LMX1A: variants seen among roughly 807,000 people sequenced by gnomAD.
LMX1A encodes LIM homeobox transcription factor 1 alpha.
In LMX1A, 15 loss-of-function variants were observed where a neutral mutation model predicts 49.1. That is an observed-to-expected ratio of 0.31 (90% CI 0.20 to 0.47). LMX1A has a LOEUF of 0.47. LMX1A is among the 20% of genes least tolerant of loss of function. The pLI, the probability that LMX1A is intolerant of heterozygous loss-of-function variation, is 1.00. For missense variants in LMX1A, 372 were observed against 475.8 expected, an observed-to-expected ratio of 0.78 and a Z score of 2.03; for synonymous variants, 167 against 185.7, an observed-to-expected ratio of 0.90 and a Z score of 0.82.
At chr1:165,266,826 C>T (rs569335092) in intron 3 of LMX1A, among the ~76,000 whole-genome samples, 2 of 152,216 alleles carry the variant, frequency 1.3e-5, no homozygotes, top group South Asian at 2.1e-4. Flanking sequence ...TGGTCTCGAT[C>T]TCCTGACCTC....
intron 3 of LMX1A, among the ~76,000 whole-genome samples, chr1:165,332,503 A>G (rs1247620783): frequency 6.6e-6 from 1 of 152,198 alleles, no homozygotes; most frequent in Non-Finnish European, 1.5e-5. Flanking sequence ...CTAAAGTCCA[A>G]TGATTCCACA....
intron 4 of LMX1A, among the ~76,000 whole-genome samples, chr1:165,225,629 G>A (rs1652008560): frequency 6.6e-6 from 1 of 152,206 alleles, no homozygotes; most frequent in Non-Finnish European, 1.5e-5. Context: ...TTATAGTCTG[G>A]ACTCTAGGGC....
chr1:165,301,182 C>T (rs1426707906), intron 3 of LMX1A, among the ~76,000 whole-genome samples: 1 of 152,132 alleles, frequency 6.6e-6, no homozygotes, highest in African/African-American at 2.4e-5. Context: ...CCTTGATGGG[C>T]CATTTTAATA....
At chr1:165,228,235 T>C (rs920720690) in intron 4 of LMX1A, among the ~76,000 whole-genome samples, 2 of 151,256 alleles carry the variant, frequency 1.3e-5, no homozygotes, top group Non-Finnish European at 3.0e-5. Context: ...TAGATAGCCC[T>C]GCTGAAGCTC....
At position 165,321,152 on chromosome 1, in the gene LMX1A, C is replaced by T. The variant is rs541368971; in HGVS notation, c.263+31924G>A. Among the ~76,000 whole-genome samples, 14 of 152,238 alleles carry T rather than the reference C, an allele frequency of 9.2e-5. 1 individual carries two copies. The highest frequency in any genetic ancestry group is 1.4e-4 in the African/African-American group (6 of 41,528). On this transcript the variant is annotated intron_variant, in intron 3 of 8. Coordinates refer to ENST00000342310, the MANE Select transcript of LMX1A (RefSeq NM_177398.4). ...AAGAAGTCAAATACAAAAGACCTCA[C>T]GCTGTATGATTTCATTTATGTGAAA...
rs1650864378 is a variant in LMX1A at position 165,202,024 on chromosome 1, A to G, written c.*1856T>C. On this transcript the variant is annotated 3_prime_UTR_variant, in exon 9 of 9. Transcript: ENST00000342310. ...TACAGCATCTGCATAATTTTCACTC[A>G]TCAGACTGGTTTGGGTTTCTTGGTG... 6.6e-6 allele frequency: 1 copy of G among 152,436 alleles called. No individual in the cohort carries two copies. Among genetic ancestry groups the G allele is most frequent in the Non-Finnish European group, 1.5e-5 (1 of 68,000 alleles). The allele number at this position is 152,436 out of a possible 1,614,324, so 9.4% of individuals were successfully genotyped here.
chr1:165,275,258 C>A lies in LMX1A; in HGVS notation c.264-25618G>T, dbSNP rs115160673. Among the ~76,000 whole-genome samples the A allele has an allele frequency of 3.3e-3, 498 of 152,284 alleles. 5 individuals carry two copies. The highest frequency in any genetic ancestry group is 0.011 in the African/African-American group (459 of 41,568). On this transcript the variant is annotated intron_variant, in intron 3 of 8. Transcript: ENST00000342310. The stretch of plus-strand genomic sequence containing the variant: ...GTCCTAGGCTGGAGCCTCTATCAGG[C>A]AAGCAATTTGCTTCTGGGTCCCTCG...
At chr1:165,321,460 C>G (rs1405326972) in intron 3 of LMX1A, among the ~76,000 whole-genome samples, 4 of 152,092 alleles carry the variant, frequency 2.6e-5, no homozygotes, top group African/African-American at 9.7e-5. Context: ...TGTTTTGATT[C>G]CTCTCTCCTC....
intron 3 of LMX1A, among the ~76,000 whole-genome samples, chr1:165,346,288 A>T (rs914646918): frequency 6.6e-6 from 1 of 152,232 alleles, no homozygotes; most frequent in Non-Finnish European, 1.5e-5. Context: ...AAAGCCAGAC[A>T]TATTTGCTGT....
At chr1:165,332,406 CTT>C (rs990977674) in intron 3 of LMX1A, among the ~76,000 whole-genome samples, 1 of 151,996 alleles carries the variant, frequency 6.6e-6, no homozygotes, top group Non-Finnish European at 1.5e-5. Context: ...AGAAGATAAA[CTT>C]TAAAAAAACA....
chr1:165,342,760 C>G (rs80230199), intron 3 of LMX1A, among the ~76,000 whole-genome samples: 2,758 of 152,078 alleles, frequency 0.018, 90 homozygotes, highest in African/African-American at 0.064. Context: ...AAGTATCTAG[C>G]AGGTGGGGAC....
intron 4 of LMX1A, among the ~76,000 whole-genome samples, chr1:165,248,981 A>G (rs768438919): frequency 7.9e-5 from 12 of 152,162 alleles, no homozygotes; most frequent in Admixed American, 2.0e-4. Flanking sequence ...CTGTCAGAAG[A>G]TCATGCCCTG....
chr1:165,303,860 G>A (rs1654849107), intron 3 of LMX1A, among the ~76,000 whole-genome samples: 1 of 152,038 alleles, frequency 6.6e-6, no homozygotes, highest in African/African-American at 2.4e-5. Context: ...TAAAGCAGTA[G>A]GAACAGAGTA....
chr1:165,307,743 C>T lies in LMX1A; in HGVS notation c.263+45333G>A, dbSNP rs544036879. 2.9e-4 allele frequency among the ~76,000 whole-genome samples: 44 copies of T among 152,312 alleles called. No individual in the cohort carries two copies. The South Asian group carries it at 7.7e-3, about 27-fold the overall frequency. The stretch of plus-strand genomic sequence containing the variant: ...CACATACCTCCAGGGAATTTTCATC[C>T]ATAGGAGCCTGGACCACAGGTAGAA... On this transcript the variant is annotated intron_variant, in intron 3 of 8. Transcript: ENST00000342310.
At chr1:165,269,005 C>T (rs1466177189) in intron 3 of LMX1A, among the ~76,000 whole-genome samples, 2 of 152,202 alleles carry the variant, frequency 1.3e-5, no homozygotes, top group African/African-American at 4.8e-5. Context: ...CTTCTAGAGT[C>T]TAGACTCATT....
chr1:165,316,794 G>C (rs1373032567), intron 3 of LMX1A, among the ~76,000 whole-genome samples: 3 of 152,118 alleles, frequency 2.0e-5, no homozygotes, highest in African/African-American at 7.2e-5. Context: ...AGGAGGAGTT[G>C]GAAAGAAGCC....
chr1:165,276,285 C>T (rs1486764394), intron 3 of LMX1A, among the ~76,000 whole-genome samples: 1 of 152,204 alleles, frequency 6.6e-6, no homozygotes, highest in Admixed American at 6.5e-5. Flanking sequence ...ACAAGCTCCT[C>T]CTTGTCTGAT....
At chr1:165,323,686 C>T (rs768152545) in intron 3 of LMX1A, among the ~76,000 whole-genome samples, 1 of 152,168 alleles carries the variant, frequency 6.6e-6, no homozygotes, top group Non-Finnish European at 1.5e-5. Flanking sequence ...AAACCTCCCC[C>T]TCCCTTGATC....
chr1:165,247,054 C>CTTTTTTTGTTTTTTTTTTTTTT (rs1652876179), intron 4 of LMX1A, among the ~76,000 whole-genome samples: 1 of 53,228 alleles, frequency 1.9e-5, no homozygotes, highest in Admixed American at 3.3e-4. Flanking sequence ...TCAGCTTTTT[C>CTTTTTTTGTTTTTTTTTTTTTT]TTTTTTTTTT....
Sources: allele counts gnomAD v4.1 joint callset (sites outside exome capture counted in the v4.1 genomes callset), GRCh38; gene constraint gnomAD v4.1.1; transcripts MANE v1.5; gene names NCBI Gene and HGNC (gene_info 2026-07-23, HGNC 2026-07-21).